The following DGKH variants were observed in gnomAD, a reference collection of about 807,000 sequenced individuals.
The protein encoded by DGKH is diacylglycerol kinase eta.
In DGKH, 90 loss-of-function variants were observed where a neutral mutation model predicts 159.3. The ratio of observed to expected loss-of-function variants is 0.57; its 90% CI spans 0.48 to 0.67. DGKH has a LOEUF of 0.67. Among genes scored for constraint, DGKH ranks in the 30% least tolerant of loss-of-function variants. The pLI is 0.00. For synonymous variants in DGKH, 536 were observed against 553.8 expected (o/e 0.97, Z 0.45); for missense variants, 1,181 against 1,506.1 (o/e 0.78, Z 3.57).
chr13:42,155,894 A>G (rs1956030592), intron 5 of DGKH, 95 bp downstream of exon 5: 2 of 1,422,444 alleles, frequency 1.4e-6, no homozygotes, highest in Admixed American at 1.9e-5. Flanking sequence ...TGAGCTCTCC[A>G]CACATAGGAC....
intron 29 of DGKH, among the ~76,000 whole-genome samples, chr13:42,222,466 C>T (rs556187593): frequency 2.6e-5 from 4 of 152,058 alleles, no homozygotes; most frequent in African/African-American, 9.6e-5. Context: ...CAACTTTAGC[C>T]ATAATAAAAT....
chr13:42,134,821 A>G (rs1035150302), intron 3 of DGKH, among the ~76,000 whole-genome samples: 10 of 152,068 alleles, frequency 6.6e-5, no homozygotes, highest in Admixed American at 2.6e-4. Context: ...TACTAAATAT[A>G]CAAAAATTAG....
intron 26 of DGKH, among the ~76,000 whole-genome samples, chr13:42,218,822 A>C (rs980375547): frequency 5.9e-5 from 9 of 152,052 alleles, no homozygotes; most frequent in African/African-American, 2.2e-4. Context: ...TGACCTATTT[A>C]AATCAGAAGG....
rs777338540 is a variant in DGKH at position 42,205,993 on chromosome 13, T to C, written c.2494-46T>C. The C allele has an allele frequency of 4.1e-6, 5 of 1,215,350 alleles. No individual in the cohort carries two copies. In the South Asian group the frequency reaches 1.2e-4, roughly 29 times the overall value. The allele number at this position is 1,215,350 out of a possible 1,614,324, so 75.3% of individuals were successfully genotyped here. The stretch of plus-strand genomic sequence containing the variant: ...GTATCTTCCATACTAGTGGTTCTGC[T>C]CTTTTTATCTAATCTCTACTTTTTT... On this transcript the variant is annotated intron_variant, in intron 20 of 29. Transcript: ENST00000337343.
chr13:42,225,577 A>G (rs543588214), intron 29 of DGKH, among the ~76,000 whole-genome samples: 42 of 152,236 alleles, frequency 2.8e-4, no homozygotes, highest in African/African-American at 8.9e-4. Context: ...GTTCAAGACC[A>G]GCCTGACCAA....
intron 3 of DGKH, 64 bp downstream of exon 3, chr13:42,129,696 C>A: frequency 7.0e-7 from 1 of 1,422,600 alleles, no homozygotes; most frequent in Non-Finnish European, 9.7e-7. Flanking sequence ...TAAGCGTGTA[C>A]AGAATGCCCT....
intron 14 of DGKH, among the ~76,000 whole-genome samples, chr13:42,187,851 T>C (rs1315144669): frequency 1.3e-5 from 2 of 152,236 alleles, no homozygotes; most frequent in African/African-American, 4.8e-5. Context: ...TCTTTCAGAG[T>C]GCTGCTTCTT....
chr13:42,114,678 A>G (rs1954932855), intron 1 of DGKH, among the ~76,000 whole-genome samples: 1 of 152,238 alleles, frequency 6.6e-6, no homozygotes, highest in Non-Finnish European at 1.5e-5. Flanking sequence ...AATAATATAC[A>G]TAGCTTGTTA....
intron 2 of DGKH, 65 bp from the exon 3 acceptor site, chr13:42,129,487 A>G (rs1955243580): frequency 7.5e-7 from 1 of 1,329,236 alleles, no homozygotes; most frequent in African/African-American, 1.5e-5. Context: ...TATTGAAAAA[A>G]TGTATTGAAG....
At chr13:42,145,428 G>A (rs779048941) in intron 3 of DGKH, among the ~76,000 whole-genome samples, 3 of 152,146 alleles carry the variant, frequency 2.0e-5, no homozygotes, top group Non-Finnish European at 4.4e-5. Flanking sequence ...GGACAATCCT[G>A]GAACTCAGGG....
chr13:42,131,960 T>C (rs2137852907), intron 3 of DGKH, among the ~76,000 whole-genome samples: 1 of 152,300 alleles, frequency 6.6e-6, no homozygotes, highest in Non-Finnish European at 1.5e-5. Flanking sequence ...GCTTATTCCT[T>C]CTTTCTTCCA....
intron 1 of DGKH, among the ~76,000 whole-genome samples, chr13:42,064,270 G>A (rs575746077): frequency 3.3e-5 from 5 of 152,298 alleles, no homozygotes; most frequent in Admixed American, 1.3e-4. Context: ...GAGGCTAGAG[G>A]AAAGGTATGA....
At chr13:42,224,697 C>T (rs1958074418) in intron 29 of DGKH, among the ~76,000 whole-genome samples, 1 of 152,122 alleles carries the variant, frequency 6.6e-6, no homozygotes, top group Non-Finnish European at 1.5e-5. Context: ...CTGGGCTATG[C>T]TCCATTCATC....
intron 1 of DGKH, among the ~76,000 whole-genome samples, chr13:42,110,441 T>C (rs974878036): frequency 1.2e-4 from 18 of 152,162 alleles, no homozygotes; most frequent in African/African-American, 4.3e-4. Flanking sequence ...CATCAGAATG[T>C]CCCCACATCA....
At chr13:42,179,289 A>G (rs1267762430) in intron 13 of DGKH, among the ~76,000 whole-genome samples, 1 of 152,224 alleles carries the variant, frequency 6.6e-6, no homozygotes, top group Non-Finnish European at 1.5e-5. Flanking sequence ...ATTGAAAACA[A>G]TTTTCCTTAC....
intron 29 of DGKH, among the ~76,000 whole-genome samples, chr13:42,228,244 TATA>T (rs1240702048): frequency 1.4e-5 from 2 of 147,998 alleles, no homozygotes; most frequent in African/African-American, 4.8e-5. Context: ...TCTTGGCACT[TATA>T]AGAAGAAGTT....
chr13:42,246,989 G>A (rs1441306757), downstream of DGKH, among the ~76,000 whole-genome samples: 5 of 151,956 alleles, frequency 3.3e-5, no homozygotes, highest in East Asian at 3.9e-4. Context: ...ACAGATATCC[G>A]TGGTCCCACA....
At chr13:42,080,377 C>T (rs555083131) in intron 1 of DGKH, among the ~76,000 whole-genome samples, 2 of 152,188 alleles carry the variant, frequency 1.3e-5, no homozygotes, top group South Asian at 4.1e-4. Flanking sequence ...GGATTTCTGC[C>T]CCCTGGGAGA....
chr13:42,187,094 G>T lies in DGKH; in HGVS notation c.1584G>T (p.Lys528Asn), dbSNP rs41288303. The change falls in exon 14 of 30, where the codon AAG becomes AAT. Residue 528 changes from lysine (K) to asparagine (N), a missense_variant. Around this residue, in one of 5 missense-constraint regions of DGKH, gnomAD observed 257 missense variants for 281.5 expected, o/e 0.91. Transcript: ENST00000337343. The stretch of plus-strand genomic sequence containing the variant: ...AGGACTTCGTTGCCAAAGTAGAAAA[G>T]ACGTATGACAAAACCTTGGAAAATG... ...TVKDFVAKVEKTYDKTLENAV... is the reference protein window; with the variant it reads ...TVKDFVAKVENTYDKTLENAV... 1.3e-5 allele frequency: 21 copies of T among 1,613,978 alleles called. No homozygotes were observed. Among genetic ancestry groups the T allele is most frequent in the Non-Finnish European group, 1.7e-5 (20 of 1,179,990 alleles).
Sources: allele counts gnomAD v4.1 joint callset (sites outside exome capture counted in the v4.1 genomes callset), GRCh38; gene constraint gnomAD v4.1.1; regional missense constraint gnomAD v4.1.1; transcripts MANE v1.5; gene names NCBI Gene and HGNC (gene_info 2026-07-23, HGNC 2026-07-21).